OPTN: variants seen among roughly 807,000 people sequenced by gnomAD.
The protein encoded by OPTN is E3-14.7K-interacting protein.
OPTN carries 54 observed loss-of-function variants against 70.4 expected under a neutral mutation model. The observed-to-expected ratio is 0.77, with a 90% CI of 0.62 to 0.96. The LOEUF is 0.96. OPTN is among the 40% of genes least tolerant of loss of function. The probability of loss-of-function intolerance (pLI) is 0.00; values close to 1 mark genes in which losing one functional copy is unlikely to be tolerated. For missense variants in OPTN, 624 were observed against 673.2 expected (o/e 0.93, Z 0.81); for synonymous variants, 256 against 248.5 (o/e 1.03, Z -0.28).
intron 14 of OPTN, among the ~76,000 whole-genome samples, chr10:13,135,955 G>C (rs1240257026): frequency 2.0e-5 from 3 of 152,182 alleles, no homozygotes; most frequent in Admixed American, 6.5e-5. Flanking sequence ...GGGAGGCTGA[G>C]ATGGAAGGAT....
At chr10:13,103,202 T>C (rs1384093465) in intron 1 of OPTN, among the ~76,000 whole-genome samples, 2 of 152,134 alleles carry the variant, frequency 1.3e-5, no homozygotes, top group East Asian at 3.9e-4. Flanking sequence ...TTTTCCAAGG[T>C]GGGAAGGGTT....
intron 1 of OPTN, among the ~76,000 whole-genome samples, chr10:13,105,109 T>C (rs1218865113): frequency 6.6e-6 from 1 of 152,148 alleles, no homozygotes; most frequent in Non-Finnish European, 1.5e-5. Context: ...ATCAATTAAA[T>C]TACTTTTAGT....
chr10:13,120,210 G>A (rs1833315500), intron 7 of OPTN, among the ~76,000 whole-genome samples: 3 of 151,348 alleles, frequency 2.0e-5, no homozygotes, highest in East Asian at 2.0e-4. Flanking sequence ...GGATGGTCTC[G>A]ATCTCCTGAC....
At chr10:13,120,133 C>T (rs1588444211) in intron 7 of OPTN, among the ~76,000 whole-genome samples, 2 of 151,812 alleles carry the variant, frequency 1.3e-5, no homozygotes, top group East Asian at 3.9e-4. Flanking sequence ...CAGGCGCCCG[C>T]CACCACGCCC....
intron 5 of OPTN, among the ~76,000 whole-genome samples, chr10:13,115,094 TTA>T (rs1439948830): frequency 1.1e-5 from 1 of 90,574 alleles, no homozygotes; most frequent in Admixed American, 1.7e-4. Flanking sequence ...TATATCTATT[TTA>T]TATATTTTTA....
intron 11 of OPTN, 145 bp from the exon 12 acceptor site, chr10:13,127,600 T>A (rs1016231834): frequency 4.7e-6 from 4 of 847,350 alleles, no homozygotes; most frequent in African/African-American, 1.7e-5. Context: ...CAAACGATCC[T>A]CCCACCTCAG....
intron 1 of OPTN, among the ~76,000 whole-genome samples, chr10:13,107,582 C>T (rs556127044): frequency 2.6e-5 from 4 of 151,598 alleles, no homozygotes; most frequent in East Asian, 2.0e-4. Context: ...AGGGTTTCAC[C>T]GTGTTAGCCA....
chr10:13,103,483 T>C (rs966231839), intron 1 of OPTN, among the ~76,000 whole-genome samples: 1 of 152,222 alleles, frequency 6.6e-6, no homozygotes, highest in African/African-American at 2.4e-5. Context: ...TATGACTTTC[T>C]GACCACTAGA....
intron 2 of OPTN, among the ~76,000 whole-genome samples, chr10:13,108,707 C>T (rs945657504): frequency 3.9e-5 from 6 of 152,074 alleles, no homozygotes; most frequent in African/African-American, 1.2e-4. Context: ...ACACCAAGCC[C>T]GGCTAATTTT....
chr10:13,132,256 C>G (rs1044976190), intron 13 of OPTN, 59 bp downstream of exon 13: 1 of 1,594,530 alleles, frequency 6.3e-7, no homozygotes, highest in Admixed American at 1.7e-5. Context: ...AGAAGAGGTG[C>G]CTGTCCAAAG....
rs1301756346 is a variant in OPTN at position 13,125,478 on chromosome 10, G to A, written c.1059G>A (p.Glu353=). ...AIPSELNEKQ[E]LVYTNKKLEL... is the part of the protein sequence containing the mutation. ...CATCAGAGTTGAATGAAAAGCAAGA[G>A]CTTGTTTATACTAACAAAAAGTTAG... The change falls in exon 10 of 15, where the codon GAG becomes GAA. Residue 353 remains glutamate (E), a synonymous_variant. Coordinates refer to ENST00000378747, the MANE Select transcript of OPTN (RefSeq NM_001008212.2). 2 of 1,614,152 alleles carry A rather than the reference G, an allele frequency of 1.2e-6. No homozygotes were observed. The highest frequency in any genetic ancestry group is 1.7e-6 in the Non-Finnish European group (2 of 1,180,004).
At chr10:13,112,284 T>G (rs1222542603) in intron 4 of OPTN, among the ~76,000 whole-genome samples, 169 bp from the exon 5 acceptor site, 1 of 151,746 alleles carries the variant, frequency 6.6e-6, no homozygotes, top group Non-Finnish European at 1.5e-5. Context: ...ATTATTAAAT[T>G]TTTTGTAAAG....
At chr10:13,126,471 G>A (rs996069617) in intron 11 of OPTN, among the ~76,000 whole-genome samples, 8 of 151,472 alleles carry the variant, frequency 5.3e-5, no homozygotes, top group South Asian at 2.1e-4. Flanking sequence ...TAGTAGAGAC[G>A]GGGTTTCACC....
rs756341467 is a variant in OPTN, at chr10:13,132,102, A to T, written c.1437A>T (p.Arg479Ser). ...ACTGTTCTGATTTTCATGCTGAAAG[A>T]GCAGCGAGAGAGAAAATTCATGAGG... ...EVYCSDFHAE[R>S]AAREKIHEEK... Residue 479 changes from arginine (R) to serine (S), a missense_variant, in exon 13 of 15, where the codon AGA (arginine) becomes AGT (serine). Coordinates refer to ENST00000378747, the MANE Select transcript of OPTN (RefSeq NM_001008212.2). 2 of 1,613,514 alleles carry T rather than the reference A, an allele frequency of 1.2e-6. No homozygotes were observed. The highest frequency in any genetic ancestry group is 1.7e-5 in the Admixed American group (1 of 60,002).
At chr10:13,126,230 C>A (rs116281687) in intron 11 of OPTN, among the ~76,000 whole-genome samples, 191 bp downstream of exon 11, 1 of 151,320 alleles carries the variant, frequency 6.6e-6, no homozygotes, top group Admixed American at 6.6e-5. Context: ...TGCTTTATTG[C>A]GTACAAAGAT....
rs1761802 is a variant in OPTN, at chr10:13,109,036, A to G, written c.-11-76A>G. On this transcript the variant is annotated intron_variant, in intron 2 of 14. Coordinates refer to ENST00000378747, the MANE Select transcript of OPTN (RefSeq NM_001008212.2). ...TTGGAGTAAGTATTAGCAATCGCCA[A>G]TGGGTTTGTGGGACTCCCGGGGACC... 1,971 of 1,344,390 alleles carry G rather than the reference A, an allele frequency of 1.5e-3. 22 individuals are homozygous for G. The African/African-American group carries it at 0.025, about 17-fold the overall frequency. The allele number at this position is 1,344,390 out of a possible 1,614,324, so 83.3% of individuals were successfully genotyped here. A position where few individuals can be genotyped will look rare whatever the true frequency, so the allele number is the denominator to read the frequency against.
intron 8 of OPTN, 34 bp downstream of exon 8, chr10:13,122,521 C>CCACA (rs750052416): frequency 7.3e-7 from 1 of 1,368,036 alleles, no homozygotes; most frequent in Non-Finnish European, 1.0e-6. Flanking sequence ...ACTACCACAC[C>CCACA]CACACACACG....
chr10:13,112,361 A>T (rs1343178312), intron 4 of OPTN, 92 bp from the exon 5 acceptor site: 7 of 1,241,630 alleles, frequency 5.6e-6, no homozygotes, highest in Non-Finnish European at 7.0e-6. Context: ...CTCCCACTTC[A>T]GCCTCCCAGA....
intron 5 of OPTN, among the ~76,000 whole-genome samples, chr10:13,113,129 C>T (rs936813107): frequency 6.6e-5 from 10 of 152,134 alleles, no homozygotes; most frequent in African/African-American, 2.4e-4. Flanking sequence ...TCAAGAGATT[C>T]TCGTGCCTCA....
Sources: gnomAD v4.1 joint callset for allele counts (sites outside exome capture counted in the v4.1 genomes callset) on GRCh38, gnomAD v4.1.1 for gene constraint, MANE v1.5 for transcripts, NCBI Gene and HGNC (gene_info 2026-07-23, HGNC 2026-07-21) for gene names.